SDK1: variants seen among roughly 807,000 people sequenced by gnomAD.
SDK1 encodes sidekick cell adhesion molecule 1.
A neutral mutation model predicts 245.5 loss-of-function variants in SDK1; 157 were observed. The ratio of observed to expected loss-of-function variants is 0.64; its 90% CI spans 0.56 to 0.73. The LOEUF (loss-of-function observed/expected upper bound fraction) is 0.73, where lower values mean the gene tolerates loss of function less well. Among genes scored for constraint, SDK1 ranks in the 30% least tolerant of loss-of-function variants. The pLI, the probability that SDK1 is intolerant of heterozygous loss-of-function variation, is 0.00. For missense variants in SDK1, 3,583 were observed against 3,002.3 expected, an observed-to-expected ratio of 1.19 and a Z score of -4.52; for synonymous variants, 1,647 against 1,278.5, an observed-to-expected ratio of 1.29 and a Z score of -6.15.
intron 5 of SDK1, among the ~76,000 whole-genome samples, chr7:3,870,625 A>G (rs6977844): frequency 0.2 from 30,743 of 152,066 alleles, 3,318 homozygotes; most frequent in Middle Eastern, 0.28. Context: ...GAAGAGTTGC[A>G]AAGTTAGCAC....
intron 40 of SDK1, 169 bp from the exon 41 acceptor site, chr7:4,233,086 G>T: frequency 3.3e-6 from 2 of 598,770 alleles, no homozygotes; most frequent in Non-Finnish European, 5.9e-6. Context: ...AACGCTCTTC[G>T]ACTTGCGAAA....
chr7:3,874,449 T>C (rs1781026663), intron 5 of SDK1, among the ~76,000 whole-genome samples: 1 of 152,168 alleles, frequency 6.6e-6, no homozygotes. Flanking sequence ...CATTCTTTTC[T>C]GTTCTGATTA....
At chr7:3,531,799 TAC>T (rs1436185106) in intron 1 of SDK1, among the ~76,000 whole-genome samples, 1 of 152,228 alleles carries the variant, frequency 6.6e-6, no homozygotes, top group African/African-American at 2.4e-5. Flanking sequence ...TGTAAAGTGT[TAC>T]AGAGTCATAT....
chr7:4,135,912 G>C (rs1051426597), intron 28 of SDK1, among the ~76,000 whole-genome samples: 1 of 152,216 alleles, frequency 6.6e-6, no homozygotes. Context: ...CAGCAGTGGT[G>C]TGCTGCCTTG....
At chr7:3,938,753 T>A (rs573329249) in intron 5 of SDK1, among the ~76,000 whole-genome samples, 5 of 152,184 alleles carry the variant, frequency 3.3e-5, no homozygotes, top group Admixed American at 6.5e-5. Context: ...ATCATGCAGG[T>A]CCAATCACGC....
At chr7:3,589,926 G>T (rs1222163886) in intron 1 of SDK1, among the ~76,000 whole-genome samples, 1 of 152,178 alleles carries the variant, frequency 6.6e-6, no homozygotes, top group Non-Finnish European at 1.5e-5. Flanking sequence ...GAATATTGAG[G>T]TTATGCAGAG....
intron 1 of SDK1, among the ~76,000 whole-genome samples, chr7:3,351,375 ACTGT>A (rs944067483): frequency 2.7e-4 from 41 of 152,186 alleles, no homozygotes; most frequent in Non-Finnish European, 5.0e-4. Context: ...CCTTAACACC[ACTGT>A]CTACTATGAA....
intron 2 of SDK1, among the ~76,000 whole-genome samples, chr7:3,631,193 C>T (rs907714326): frequency 6.6e-6 from 1 of 152,184 alleles, no homozygotes; most frequent in Non-Finnish European, 1.5e-5. Flanking sequence ...CTTGGCCTCC[C>T]AAAGTGCTGG....
intron 5 of SDK1, among the ~76,000 whole-genome samples, chr7:3,857,686 C>CAAAA (rs76491789): frequency 2.7e-4 from 38 of 138,600 alleles, no homozygotes; most frequent in African/African-American, 8.5e-4. Flanking sequence ...GACCCTGTCT[C>CAAAA]AAAAAAAAAA....
chr7:3,564,942 T>C (rs560672875), intron 1 of SDK1, among the ~76,000 whole-genome samples: 13 of 151,940 alleles, frequency 8.6e-5, no homozygotes, highest in African/African-American at 2.9e-4. Flanking sequence ...AGTCACTGTT[T>C]AGGAGACAAA....
At chr7:3,805,338 C>T (rs1779214892) in intron 4 of SDK1, among the ~76,000 whole-genome samples, 1 of 152,172 alleles carries the variant, frequency 6.6e-6, no homozygotes, top group Admixed American at 6.5e-5. Context: ...AGAGGCAGTT[C>T]ACTTTTTCCT....
rs1778914123 is a variant in SDK1 at position 3,402,418 on chromosome 7, A to G, written c.298+100534A>G. Among the ~76,000 whole-genome samples, 4 of 152,152 alleles carry G rather than the reference A, an allele frequency of 2.6e-5. No homozygotes were observed. The South Asian group carries it at 8.3e-4, about 32-fold the overall frequency. On this transcript the variant is annotated intron_variant, in intron 1 of 44. Coordinates refer to ENST00000404826, the MANE Select transcript of SDK1 (RefSeq NM_152744.4). ...GGCAAAGACCAAGTTTTAGAAAATA[A>G]AGTTCTCCTAAATACTATTATAAAG...
intron 1 of SDK1, among the ~76,000 whole-genome samples, chr7:3,549,840 C>G (rs1464636514): frequency 6.6e-6 from 1 of 151,870 alleles, no homozygotes; most frequent in Non-Finnish European, 1.5e-5. Context: ...GAATCATGAC[C>G]TTTTTTTCCC....
chr7:3,474,092 T>G (rs12700904), intron 1 of SDK1, among the ~76,000 whole-genome samples: 39 of 13,472 alleles, frequency 2.9e-3, no homozygotes, highest in Non-Finnish European at 1.1e-3. Context: ...CCAGATGGTG[T>G]TTTTTTTTTT....
chr7:3,625,741 A>G (rs1286483592), intron 2 of SDK1, among the ~76,000 whole-genome samples: 1 of 152,174 alleles, frequency 6.6e-6, no homozygotes, highest in African/African-American at 2.4e-5. Context: ...TAGCTCAAGC[A>G]TTGGTAAGCA....
At chr7:4,250,920 C>G (rs1787252179) in intron 44 of SDK1, among the ~76,000 whole-genome samples, 3 of 152,296 alleles carry the variant, frequency 2.0e-5, no homozygotes, top group African/African-American at 7.2e-5. Flanking sequence ...AAAGAAACCC[C>G]ATAACTCTAC....
chr7:3,673,787 T>C (rs1404904390), intron 4 of SDK1, among the ~76,000 whole-genome samples: 1 of 152,182 alleles, frequency 6.6e-6, no homozygotes, highest in African/African-American at 2.4e-5. Context: ...AAGTTTGCAT[T>C]CCAAGGGCGG....
chr7:3,303,593 C>G (rs1779339374), intron 1 of SDK1, among the ~76,000 whole-genome samples: 1 of 151,852 alleles, frequency 6.6e-6, no homozygotes, highest in African/African-American at 2.4e-5. Context: ...TATTTTATTC[C>G]TTTTTGGCAG....
intron 38 of SDK1, among the ~76,000 whole-genome samples, chr7:4,211,497 G>C (rs999733544): frequency 6.6e-6 from 1 of 152,150 alleles, no homozygotes; most frequent in African/African-American, 2.4e-5. Context: ...GGGTACTGGC[G>C]TGAAGTGGAG....
Sources: gnomAD v4.1 joint callset for allele counts (sites outside exome capture counted in the v4.1 genomes callset) on GRCh38, gnomAD v4.1.1 for gene constraint, MANE v1.5 for transcripts, NCBI Gene and HGNC (gene_info 2026-07-23, HGNC 2026-07-21) for gene names.